Variants in CNKSR1 observed in about 807,000 individuals in gnomAD.
CNKSR1 encodes connector enhancer of kinase suppressor of Ras 1, also known as CNK homolog protein 1.
A neutral mutation model predicts 95.6 loss-of-function variants in CNKSR1; 88 were observed. The observed-to-expected ratio is 0.92, with a 90% CI of 0.78 to 1.10. The LOEUF (loss-of-function observed/expected upper bound fraction) is 1.10, where lower values mean the gene tolerates loss of function less well. Among genes scored for constraint, CNKSR1 ranks in the 50% least tolerant of loss-of-function variants. The probability of loss-of-function intolerance (pLI) is 0.00; values close to 1 mark genes in which losing one functional copy is unlikely to be tolerated. For synonymous variants in CNKSR1, 355 were observed against 369.7 expected (o/e 0.96, Z 0.46); for missense variants, 836 against 912.0 (o/e 0.92, Z 1.07).
Position 26,180,578 on chromosome 1 carries a change from A to C in CNKSR1, c.178A>C (p.Ile60Leu), listed in dbSNP as rs2088630755. The stretch of plus-strand genomic sequence containing the variant: ...GCGGTCTCTGGGACACCAGGAGCTC[A>C]TCCTGGGCGGGGTGGAACAGCTCCA... ...AVRSLGHQELILGGVEQLQAL... is the reference protein window; with the variant it reads ...AVRSLGHQELLLGGVEQLQAL... The change falls in exon 2 of 21, where the codon ATC (isoleucine) becomes CTC (leucine). Residue 60 changes from isoleucine (I) to leucine (L), a missense_variant. Ile to Leu is a conservative substitution (Grantham distance 5). Coordinates refer to ENST00000361530, the MANE Select transcript of CNKSR1 (RefSeq NM_006314.3). 2.5e-6 allele frequency: 4 copies of C among 1,614,190 alleles called. No homozygotes were observed. The highest frequency in any genetic ancestry group is 3.4e-6 in the Non-Finnish European group (4 of 1,180,036).
In CNKSR1 at chr1:26,183,796, T is replaced by A. The variant is rs1300975273; in HGVS notation, c.821T>A (p.Leu274Gln). Residue 274 changes from leucine to glutamine, a missense_variant, in exon 9 of 21, where the codon CTG becomes CAG. Physicochemically the swap from Leu to Gln is moderately radical, Grantham distance 113. Transcript: ENST00000361530. ...LREPAGLSLV[L>Q]KKIPIPETPP... ...GAGCCAGCCGGACTCAGCTTAGTGC[T>A]GAAGAAGATCCCGATACCGGAGACC... 12 of 1,612,728 alleles carry A rather than the reference T, an allele frequency of 7.4e-6. No individual in the cohort carries two copies. The highest frequency in any genetic ancestry group is 1.0e-5 in the Non-Finnish European group (12 of 1,179,388).
chr1:26,180,104 C>G (rs1650626896), intron 1 of CNKSR1: 1 of 351,416 alleles, frequency 2.8e-6, no homozygotes, highest in African/African-American at 2.1e-5. Flanking sequence ...TCTCAAGCCC[C>G]TGTCTCAAAA....
chr1:26,180,913 G>C lies in CNKSR1; in HGVS notation c.392+17G>C. ...GCTCAGCAGGTACCCGGGTTGGGGT[G>C]ACGAGTGAGGGACTATTGTCATCCT... On this transcript the variant is annotated intron_variant, in intron 3 of 20. Transcript: ENST00000361530. 2 of 1,613,778 alleles carry C rather than the reference G, an allele frequency of 1.2e-6. No individual in the cohort carries two copies. Among genetic ancestry groups the C allele is most frequent in the Non-Finnish European group, 1.7e-6 (2 of 1,179,674 alleles).
chr1:26,182,575 C>T lies in CNKSR1; in HGVS notation c.615C>T (p.Asp205=), dbSNP rs750295179. The change falls in exon 6 of 21, where the codon GAC becomes GAT. Residue 205 remains aspartate (D), a synonymous_variant. Transcript: ENST00000361530. ...QKAVLEQVQL[D]SPLGLEIHTT... ...CCGTGCTCGAGCAGGTGCAGCTGGA[C>T]AGTCCATTGGTGAGCCCTGCCCTCC... is the stretch of plus-strand genomic sequence containing the variant. 4 of 1,612,542 alleles carry T rather than the reference C, an allele frequency of 2.5e-6. No homozygotes were observed. Among genetic ancestry groups the T allele is most frequent in the Non-Finnish European group, 3.4e-6 (4 of 1,179,858 alleles).
At chr1:26,187,060 T>A in intron 14 of CNKSR1, 108 bp from the exon 15 acceptor site, 1 of 807,894 alleles carries the variant, frequency 1.2e-6, no homozygotes, top group Non-Finnish European at 2.2e-6. Flanking sequence ...GCCCAGGAGA[T>A]GCCTTCTCCT....
At chr1:26,187,768 G>A (rs1220513547) in intron 16 of CNKSR1, among the ~76,000 whole-genome samples, 3 of 151,708 alleles carry the variant, frequency 2.0e-5, no homozygotes, top group African/African-American at 7.3e-5. Context: ...GACTACAGGT[G>A]CCTACCACCA....
rs1349703017 is a variant in CNKSR1 at position 26,189,404 on chromosome 1, A to C, written c.1998A>C (p.Gly666=). 6.2e-7 allele frequency: 1 copy of C among 1,613,708 alleles called. No individual in the cohort carries two copies. Among genetic ancestry groups the C allele is most frequent in the African/African-American group, 1.3e-5 (1 of 74,860 alleles). The change falls in exon 21 of 21, where the codon GGA becomes GGC. Residue 666 remains glycine (G), a synonymous_variant. Transcript: ENST00000361530. The stretch of plus-strand genomic sequence containing the variant: ...ACTCAGAGGGCCTGGGGGCCTGGGG[A>C]GTGGCACAGGCTGAAGGCAGCTCCC... ...ELYSEGLGAW[G]VAQAEGSSHI...
Position 26,189,824 on chromosome 1 carries a change from G to A in CNKSR1, c.*276G>A. ...TTCTCCCCCAAACCAGGTCTGTACA[G>A]GTGTTCTTTATTTTACATGAGGGCT... is the stretch of plus-strand genomic sequence containing the variant. On this transcript the variant is annotated 3_prime_UTR_variant, in exon 21 of 21. Transcript: ENST00000361530. The A allele has an allele frequency of 1.5e-6, 1 of 660,660 alleles. No individual in the cohort carries two copies. The highest frequency in any genetic ancestry group is 1.8e-5 in the African/African-American group (1 of 56,012). The allele number at this position is 660,660 out of a possible 1,614,324, so 40.9% of individuals were successfully genotyped here. A position where few individuals can be genotyped will look rare whatever the true frequency, so the allele number is the denominator to read the frequency against.
chr1:26,181,050 C>G lies in CNKSR1; in HGVS notation c.392+154C>G, dbSNP rs556930876. ...ATCCCAGCACTTTGGGAGGCCGAAG[C>G]GGGCAGATCACTTGAGGTCAGGAGT... is the stretch of plus-strand genomic sequence containing the variant. On this transcript the variant is annotated intron_variant, in intron 3 of 20. Transcript: ENST00000361530. 125 of 881,718 alleles carry G rather than the reference C, an allele frequency of 1.4e-4. No homozygotes were observed. In the South Asian group the frequency reaches 1.6e-3, roughly 11 times the overall value. 54.6% of individuals were successfully genotyped at this position (881,718 alleles called of 1,614,324 possible). A position where few individuals can be genotyped will look rare whatever the true frequency, so the allele number is the denominator to read the frequency against.
chr1:26,181,027 C>G, intron 3 of CNKSR1, 131 bp downstream of exon 3: 2 of 1,173,404 alleles, frequency 1.7e-6, no homozygotes, highest in Non-Finnish European at 2.5e-6. Flanking sequence ...GGTCTGTAAT[C>G]CCAGCACTTT....
chr1:26,187,150 A>G lies in CNKSR1; in HGVS notation c.1309-18A>G, dbSNP rs2124515423. The G allele has an allele frequency of 6.2e-7, 1 of 1,610,796 alleles. No homozygotes were observed. On this transcript the variant is annotated intron_variant, in intron 14 of 20. Transcript: ENST00000361530. ...GTATTGGGGTTCCAACCTGACCCTC[A>G]TGCTGTGATCCCCCCAGGATGAGAA...
At chr1:26,187,301 T>A in intron 15 of CNKSR1, 60 bp downstream of exon 15, 1 of 1,590,862 alleles carries the variant, frequency 6.3e-7, no homozygotes. Flanking sequence ...GGAAGGGTGA[T>A]GGGGTAGCAG....
chr1:26,178,431 C>A (rs567584459), intron 1 of CNKSR1, among the ~76,000 whole-genome samples: 69 of 152,300 alleles, frequency 4.5e-4, no homozygotes, highest in Non-Finnish European at 6.2e-4. Context: ...ATCCAAGGGG[C>A]AAGGTGCTGT....
Position 26,185,034 on chromosome 1 carries a change from CGCCGGCGGGTGTCAT to C in CNKSR1, c.1161_1175del (p.Arg388_Arg392del). 6.2e-7 allele frequency: 1 copy of C among 1,600,410 alleles called. No homozygotes were observed. Among genetic ancestry groups the C allele is most frequent in the Non-Finnish European group, 8.5e-7 (1 of 1,178,086 alleles). ...TACAGGCCTGGCGACCCGGCTGAGC[CGCCGGCGGGTGTCAT>C]GCCGTGAGCTGGGCCGGCCGGACTG... On this transcript the variant is annotated inframe_deletion, in exon 14 of 21. Coordinates refer to ENST00000361530, the MANE Select transcript of CNKSR1 (RefSeq NM_006314.3).
In CNKSR1 at chr1:26,180,441, C is replaced by T; in HGVS notation, c.53-12C>T. 1 of 1,613,626 alleles carries T rather than the reference C, an allele frequency of 6.2e-7. No homozygotes were observed. The highest frequency in any genetic ancestry group is 8.5e-7 in the Non-Finnish European group (1 of 1,180,046). ...CTCTGCTTCCCCGAGCTGAGCCTTACTCTCCCTCCAGGTCTTGACGACTCC... is the reference window on the plus strand; with the variant it reads ...CTCTGCTTCCCCGAGCTGAGCCTTATTCTCCCTCCAGGTCTTGACGACTCC... On this transcript the variant is annotated splice_polypyrimidine_tract_variant and intron_variant, in intron 1 of 20. Coordinates refer to ENST00000361530, the MANE Select transcript of CNKSR1 (RefSeq NM_006314.3).
rs1012358956 is a variant in CNKSR1 at position 26,187,069 on chromosome 1, C to G, written c.1309-99C>G. 1.0e-5 allele frequency: 9 copies of G among 871,372 alleles called. No individual in the cohort carries two copies. The African/African-American group carries it at 1.5e-4, about 14-fold the overall frequency. The allele number at this position is 871,372 out of a possible 1,614,324, so 54.0% of individuals were successfully genotyped here. Reference sequence around the variant, plus strand: ...TAGAGAGCCCAGGAGATGCCTTCTCCTCTCCACAACTCTCAGGAGCCCGAG... The same window carrying G: ...TAGAGAGCCCAGGAGATGCCTTCTCGTCTCCACAACTCTCAGGAGCCCGAG... On this transcript the variant is annotated intron_variant, in intron 14 of 20. Transcript: ENST00000361530.
rs1182349337 is a variant in CNKSR1 at position 26,180,630 on chromosome 1, A to G, written c.210+20A>G. The G allele has an allele frequency of 2.5e-6, 4 of 1,613,976 alleles. No homozygotes were observed. The African/African-American group carries it at 4.0e-5, about 16-fold the overall frequency. ...GCCCTGGTGAGTGAATGCTGGTCACACTGGCTGCAGCTTCCACCAACCTGG... is the reference window on the plus strand; with the variant it reads ...GCCCTGGTGAGTGAATGCTGGTCACGCTGGCTGCAGCTTCCACCAACCTGG... On this transcript the variant is annotated intron_variant, in intron 2 of 20. Coordinates refer to ENST00000361530, the MANE Select transcript of CNKSR1 (RefSeq NM_006314.3).
intron 15 of CNKSR1, 37 bp from the exon 16 acceptor site, chr1:26,187,374 C>T (rs570847170): frequency 2.9e-5 from 46 of 1,610,562 alleles, no homozygotes; most frequent in South Asian, 1.1e-4. Flanking sequence ...TGGGTGGGCA[C>T]GCCCAGGCTG....
At chr1:26,180,656 G>C (rs1421234692) in intron 2 of CNKSR1, 46 bp downstream of exon 2, 1 of 1,613,942 alleles carries the variant, frequency 6.2e-7, no homozygotes, top group Non-Finnish European at 8.5e-7. Context: ...ACCAACCTGG[G>C]GGGTGTGATG....
Sources: gnomAD v4.1 joint callset for allele counts (sites outside exome capture counted in the v4.1 genomes callset) on GRCh38, gnomAD v4.1.1 for gene constraint, MANE v1.5 for transcripts, NCBI Gene and HGNC (gene_info 2026-07-23, HGNC 2026-07-21) for gene names.